The following MAPDA variants were observed in gnomAD, a reference collection of about 807,000 sequenced individuals.
MAPDA encodes N6,N6-dimethyl-AMP deaminase.
At chr15:43,351,030 T>G in the MAPDA span, 1 of 1,551,498 alleles carries the variant, frequency 6.4e-7, no homozygotes. Context: ...TGCCCATCCT[T>G]CTGTGATCTG....
At chr15:43,351,742 C>T in the MAPDA span, 156 of 1,520,996 alleles carry the variant, frequency 1.0e-4, no homozygotes, top group East Asian at 1.5e-4. Flanking sequence ...TTCTTGTTTA[C>T]GTTGGCAGAC....
At chr15:43,345,854 G>C in the MAPDA span, 2 of 1,613,972 alleles carry the variant, frequency 1.2e-6, no homozygotes, top group Non-Finnish European at 1.7e-6. Flanking sequence ...TACATTAAAG[G>C]TATTTGATAG....
the MAPDA span, among the ~76,000 whole-genome samples, chr15:43,338,733 A>G: frequency 6.6e-6 from 1 of 152,252 alleles, no homozygotes; most frequent in East Asian, 1.9e-4. Flanking sequence ...TGCACATCAC[A>G]GAAAGGGCTA....
the MAPDA span, among the ~76,000 whole-genome samples, chr15:43,336,373 G>C: frequency 6.6e-6 from 1 of 152,162 alleles, no homozygotes; most frequent in African/African-American, 2.4e-5. Context: ...TGAAAATATA[G>C]GCATATTGAA....
At chr15:43,332,560 C>T in the MAPDA span, among the ~76,000 whole-genome samples, 3 of 152,044 alleles carry the variant, frequency 2.0e-5, no homozygotes, top group African/African-American at 7.2e-5. Flanking sequence ...TTTCTGATTT[C>T]GATGCCTTAT....
chr15:43,347,555 G>C, the MAPDA span, among the ~76,000 whole-genome samples: 1 of 152,154 alleles, frequency 6.6e-6, no homozygotes, highest in African/African-American at 2.4e-5. Flanking sequence ...CAAGCTCACT[G>C]TTAGCATGAA....
the MAPDA span, chr15:43,351,221 G>A: frequency 1.7e-6 from 1 of 575,276 alleles, no homozygotes; most frequent in South Asian, 2.1e-5. Context: ...AGCTACTCGG[G>A]AGACTAAGGC....
chr15:43,352,089 TA>T, the MAPDA span: 9 of 742,514 alleles, frequency 1.2e-5, no homozygotes, highest in African/African-American at 1.6e-4. Flanking sequence ...ACATGGCAGG[TA>T]CTCAGTAAAT....
At chr15:43,354,107 G>A in the MAPDA span, 1 of 152,190 alleles carries the variant, frequency 6.6e-6, no homozygotes. Flanking sequence ...GAAACTGGAG[G>A]ACACCTAGCT....
chr15:43,335,649 A>G, the MAPDA span: 116 of 1,557,076 alleles, frequency 7.4e-5, no homozygotes, highest in Non-Finnish European at 9.9e-5. Flanking sequence ...GTAAGATGCT[A>G]TGAATCTATT....
At chr15:43,349,407 T>A in the MAPDA span, 1 of 859,236 alleles carries the variant, frequency 1.2e-6, no homozygotes, top group Non-Finnish European at 1.4e-6. Context: ...ACATGGAAAA[T>A]CCCAAGTATA....
the MAPDA span, chr15:43,345,742 T>G: frequency 1.5e-6 from 2 of 1,314,750 alleles, no homozygotes; most frequent in South Asian, 2.5e-5. Flanking sequence ...GGCTATACTT[T>G]TCCTAGTGAG....
At chr15:43,330,378 C>T in the MAPDA span, 5 of 1,604,786 alleles carry the variant, frequency 3.1e-6, no homozygotes, top group Non-Finnish European at 4.2e-6. Context: ...AGCAACGCGG[C>T]AAAGGGGTCC....
At chr15:43,344,584 A>G in the MAPDA span, among the ~76,000 whole-genome samples, 1 of 152,050 alleles carries the variant, frequency 6.6e-6, no homozygotes, top group South Asian at 2.1e-4. Context: ...CAACATGGGC[A>G]GATCACCTGA....
At chr15:43,335,390 G>A in the MAPDA span, among the ~76,000 whole-genome samples, 307 of 152,152 alleles carry the variant, frequency 2.0e-3, 2 homozygotes, top group African/African-American at 6.9e-3. Context: ...ACAAAAATTC[G>A]CTGGGCTTGG....
the MAPDA span, chr15:43,335,172 T>C: frequency 1.2e-6 from 2 of 1,613,462 alleles, no homozygotes; most frequent in Non-Finnish European, 1.7e-6. Flanking sequence ...CCAAAAGTGG[T>C]GAGAATTCAA....
At chr15:43,339,984 A>G in the MAPDA span, among the ~76,000 whole-genome samples, 1 of 152,234 alleles carries the variant, frequency 6.6e-6, no homozygotes, top group Admixed American at 6.5e-5. Flanking sequence ...ATACTAGGAA[A>G]TAAATGTTTA....
At chr15:43,336,644 A>G in the MAPDA span, 1 of 1,574,790 alleles carries the variant, frequency 6.4e-7, no homozygotes, top group Non-Finnish European at 8.6e-7. Flanking sequence ...AGATGTTTCA[A>G]ACTATTCATC....
chr15:43,339,027 A>T, the MAPDA span, among the ~76,000 whole-genome samples: 1 of 152,252 alleles, frequency 6.6e-6, no homozygotes, highest in Non-Finnish European at 1.5e-5. Context: ...GAGCTGGGGT[A>T]GCTGAGTGTG....
Sources: gnomAD v4.1 joint callset for allele counts (sites outside exome capture counted in the v4.1 genomes callset) on GRCh38, gnomAD v4.1.1 for gene constraint, MANE v1.5 for transcripts, NCBI Gene and HGNC (gene_info 2026-07-23, HGNC 2026-07-21) for gene names.